Variants in KLHL22 observed in about 807,000 individuals in gnomAD.
KLHL22 encodes kelch like family member 22.
KLHL22 carries 18 observed loss-of-function variants against 60.7 expected under a neutral mutation model. The ratio of observed to expected loss-of-function variants is 0.30; its 90% confidence interval spans 0.20 to 0.44. KLHL22 has a LOEUF of 0.44. KLHL22 is among the 20% of genes least tolerant of loss of function. The pLI is 1.00. For missense variants in KLHL22, 596 were observed against 852.3 expected (o/e 0.70, Z 3.74); for synonymous variants, 355 against 354.5 (o/e 1.00, Z -0.01).
chr22:20,441,894 T>G lies in KLHL22; in HGVS notation c.*179A>C. On this transcript the variant is annotated 3_prime_UTR_variant, in exon 7 of 7. Coordinates refer to ENST00000328879, the MANE Select transcript of KLHL22 (RefSeq NM_032775.4). ...CCACAGCCTGGGATCTGCATGGCCC[T>G]GAGATGCCTGCGGCAGGCTGGCCAA... The G allele has an allele frequency of 5.5e-6, 3 of 541,702 alleles. No individual in the cohort carries two copies. Among genetic ancestry groups the G allele is most frequent in the Non-Finnish European group, 9.2e-6 (3 of 327,082 alleles). 33.6% of individuals were successfully genotyped at this position (541,702 alleles called of 1,614,324 possible). A position where few individuals can be genotyped will look rare whatever the true frequency, so the allele number is the denominator to read the frequency against.
At chr22:20,453,898 C>T (rs995825811) in intron 5 of KLHL22, among the ~76,000 whole-genome samples, 8 of 152,044 alleles carry the variant, frequency 5.3e-5, no homozygotes, top group African/African-American at 1.9e-4. Flanking sequence ...CCACACCCAG[C>T]TAATATTTGT....
chr22:20,450,155 A>C (rs1046413680), intron 5 of KLHL22: 2 of 794,688 alleles, frequency 2.5e-6, no homozygotes, highest in Non-Finnish European at 2.3e-6. Context: ...AGACATAATG[A>C]CAAATACTCA....
chr22:20,482,520 G>A (rs988283975), intron 2 of KLHL22, among the ~76,000 whole-genome samples: 1 of 152,070 alleles, frequency 6.6e-6, no homozygotes, highest in African/African-American at 2.4e-5. Flanking sequence ...GGCCTCCCCA[G>A]AAGCTGAGAC....
intron 2 of KLHL22, chr22:20,483,849 C>T (rs1209372540): frequency 5.5e-6 from 4 of 727,494 alleles, no homozygotes; most frequent in South Asian, 2.7e-5. Flanking sequence ...GTCATTCAGG[C>T]TTTGTATGGT....
chr22:20,479,001 C>A (rs896368955), intron 2 of KLHL22, among the ~76,000 whole-genome samples: 1 of 151,688 alleles, frequency 6.6e-6, no homozygotes, highest in East Asian at 2.0e-4. Flanking sequence ...TGGTGGCAGG[C>A]GCCTGTAATT....
At chr22:20,487,067 G>A (rs2053598397) in intron 2 of KLHL22, among the ~76,000 whole-genome samples, 1 of 150,722 alleles carries the variant, frequency 6.6e-6, no homozygotes, top group African/African-American at 2.4e-5. Context: ...TTACAGGCAT[G>A]TGCCACCACG....
chr22:20,455,536 GCCAGAGGGACTATGA>G (rs887864958), intron 5 of KLHL22, among the ~76,000 whole-genome samples: 1 of 152,164 alleles, frequency 6.6e-6, no homozygotes, highest in African/African-American at 2.4e-5. Context: ...CCCTAGCATG[GCCAGAGGGACTATGA>G]CCTCTGAGAC....
At chr22:20,472,300 T>C (rs975674746) in intron 2 of KLHL22, among the ~76,000 whole-genome samples, 3 of 151,098 alleles carry the variant, frequency 2.0e-5, no homozygotes, top group African/African-American at 7.3e-5. Flanking sequence ...TGAAGTAAAC[T>C]GGTAAAATAG....
chr22:20,450,391 G>A (rs1016705609), intron 5 of KLHL22: 3 of 1,462,772 alleles, frequency 2.1e-6, no homozygotes, highest in Non-Finnish European at 2.9e-6. Flanking sequence ...TGGACTTTGT[G>A]TACACGGAAA....
chr22:20,449,984 T>C (rs1485464800), intron 5 of KLHL22: 1 of 571,036 alleles, frequency 1.8e-6, no homozygotes, highest in African/African-American at 1.9e-5. Context: ...ACGCTTCGGC[T>C]CCTCCTGAGC....
At chr22:20,443,535 T>G (rs2052800920) in intron 6 of KLHL22, among the ~76,000 whole-genome samples, 1 of 148,444 alleles carries the variant, frequency 6.7e-6, no homozygotes, top group South Asian at 2.1e-4. Context: ...GGTCAAGAGA[T>G]CAAGACCATC....
intron 3 of KLHL22, among the ~76,000 whole-genome samples, chr22:20,469,483 T>G (rs1364627097): frequency 6.6e-6 from 1 of 152,148 alleles, no homozygotes; most frequent in Admixed American, 6.5e-5. Flanking sequence ...AGTTAACTGC[T>G]GCCAGGGTGG....
chr22:20,479,412 A>G (rs1163920908), intron 2 of KLHL22, among the ~76,000 whole-genome samples: 2 of 152,146 alleles, frequency 1.3e-5, no homozygotes, highest in African/African-American at 4.8e-5. Flanking sequence ...AGTAGGCCGG[A>G]TATGGTGGTT....
intron 4 of KLHL22, among the ~76,000 whole-genome samples, chr22:20,463,069 T>G (rs1177819148): frequency 6.6e-6 from 1 of 152,134 alleles, no homozygotes; most frequent in African/African-American, 2.4e-5. Context: ...ATATTCAAAT[T>G]AAGGATTCAT....
At chr22:20,466,322 C>T (rs1161345716) in intron 3 of KLHL22, among the ~76,000 whole-genome samples, 1 of 147,190 alleles carries the variant, frequency 6.8e-6, no homozygotes, top group African/African-American at 2.5e-5. Flanking sequence ...TGCAGTGAGC[C>T]GAGATCGCGC....
rs1026772037 is a variant in KLHL22, at chr22:20,465,589, T to A, written c.394-13A>T. 7.9e-7 allele frequency: 1 copy of A among 1,263,348 alleles called. No individual in the cohort carries two copies. 78.3% of individuals were successfully genotyped at this position (1,263,348 alleles called of 1,614,324 possible). A position where few individuals can be genotyped will look rare whatever the true frequency, so the allele number is the denominator to read the frequency against. On this transcript the variant is annotated splice_polypyrimidine_tract_variant and intron_variant, in intron 3 of 6. Transcript: ENST00000328879. The surrounding 1 kb of genome is among the most constrained non-coding windows in gnomAD (Gnocchi z 4.9). The stretch of plus-strand genomic sequence containing the variant: ...TAATTTCTGGGATCTGCAGAGAGAA[T>A]GACACCCATTCAAGCCTGGGCTGGT...
At chr22:20,481,445 CA>C (rs2053499837) in intron 2 of KLHL22, among the ~76,000 whole-genome samples, 1 of 151,986 alleles carries the variant, frequency 6.6e-6, no homozygotes, top group Admixed American at 6.6e-5. Flanking sequence ...TGGTGGCATG[CA>C]CCTGTACTCA....
chr22:20,458,964 G>A (rs1298670005), intron 4 of KLHL22, among the ~76,000 whole-genome samples: 3 of 152,122 alleles, frequency 2.0e-5, no homozygotes, highest in South Asian at 2.1e-4. Context: ...GACTGGTTGC[G>A]GCAGGCCCAC....
intron 2 of KLHL22, chr22:20,488,669 G>A: frequency 2.4e-6 from 1 of 420,384 alleles, no homozygotes; most frequent in South Asian, 2.4e-5. Context: ...CTGACGGAGG[G>A]GAGGAATGGT....
Sources: gnomAD v4.1 joint callset for allele counts (sites outside exome capture counted in the v4.1 genomes callset) on GRCh38, gnomAD v4.1.1 for gene constraint, Gnocchi (gnomAD v3.1) non-coding constraint, MANE v1.5 for transcripts, NCBI Gene and HGNC (gene_info 2026-07-23, HGNC 2026-07-21) for gene names.